DLGAP2: variants seen among roughly 807,000 people sequenced by gnomAD.
DLGAP2 encodes the protein DLG associated protein 2, also known as disks large-associated protein 2.
In DLGAP2, 26 loss-of-function variants were observed where a neutral mutation model predicts 100.3. The ratio of observed to expected loss-of-function variants is 0.26; its 90% CI spans 0.19 to 0.36. DLGAP2 has a LOEUF of 0.36. DLGAP2 is among the 10% of genes least tolerant of loss of function. DLGAP2 has a pLI of 1.00. For missense variants in DLGAP2, 1,858 were observed against 1,453.2 expected, an observed-to-expected ratio of 1.28 and a Z score of -4.53; for synonymous variants, 886 against 630.1, an observed-to-expected ratio of 1.41 and a Z score of -6.08.
rs747961521 is a variant in DLGAP2, at chr8:1,565,863, A to C, written c.1411A>C (p.Ile471Leu). ...AILPEPLLKS[I>L]GQRPLGEHQT... Reference sequence around the variant, plus strand: ...CCTACCAGAGCCGCTGCTGAAGTCCATCGGACAGAGACCGCTTGGAGAGCA... The same window carrying C: ...CCTACCAGAGCCGCTGCTGAAGTCCCTCGGACAGAGACCGCTTGGAGAGCA... Residue 471 changes from isoleucine to leucine, a missense_variant, in exon 6 of 15, where the codon ATC (isoleucine) becomes CTC (leucine). Coordinates refer to ENST00000637795, the MANE Select transcript of DLGAP2 (RefSeq NM_001346810.2). 1 of 1,611,516 alleles carries C rather than the reference A, an allele frequency of 6.2e-7. No homozygotes were observed. The highest frequency in any genetic ancestry group is 8.5e-7 in the Non-Finnish European group (1 of 1,178,786).
At chr8:771,684 C>G (rs1455736430) in intron 1 of DLGAP2, among the ~76,000 whole-genome samples, 1 of 152,244 alleles carries the variant, frequency 6.6e-6, no homozygotes, top group African/African-American at 2.4e-5. Context: ...ACGACGTGGC[C>G]TCTGGGGCTC....
chr8:1,168,013 C>T (rs1337713322), intron 2 of DLGAP2, among the ~76,000 whole-genome samples: 3 of 147,788 alleles, frequency 2.0e-5, no homozygotes, highest in African/African-American at 7.5e-5. Context: ...GTATATCTCC[C>T]ATTGCTATCC....
intron 3 of DLGAP2, among the ~76,000 whole-genome samples, chr8:1,333,447 T>C (rs528342817): frequency 6.6e-6 from 1 of 152,268 alleles, no homozygotes; most frequent in South Asian, 2.1e-4. Flanking sequence ...CCTGACACTT[T>C]CCCATCCCGT....
intron 2 of DLGAP2, among the ~76,000 whole-genome samples, chr8:1,144,188 C>T (rs774627476): frequency 1.1e-4 from 16 of 152,286 alleles, no homozygotes; most frequent in African/African-American, 2.9e-4. Flanking sequence ...CCAGCGGGCG[C>T]GTTTTCACCG....
chr8:760,732 G>C (rs144682951), intron 1 of DLGAP2, among the ~76,000 whole-genome samples: 2 of 152,304 alleles, frequency 1.3e-5, no homozygotes, highest in African/African-American at 4.8e-5. Context: ...ATGTCCCTCA[G>C]TGCAGGGCTT....
intron 3 of DLGAP2, among the ~76,000 whole-genome samples, chr8:1,440,984 A>G (rs1481469691): frequency 6.6e-6 from 1 of 152,214 alleles, no homozygotes; most frequent in African/African-American, 2.4e-5. Flanking sequence ...CCCTCCCAGC[A>G]CGGGTTTTCC....
At chr8:1,502,133 G>A (rs1799742634) in intron 4 of DLGAP2, among the ~76,000 whole-genome samples, 1 of 152,170 alleles carries the variant, frequency 6.6e-6, no homozygotes, top group Non-Finnish European at 1.5e-5. Context: ...CCCATCAGTG[G>A]CTCTGTCTGT....
At chr8:1,407,429 A>T (rs375930503) in intron 3 of DLGAP2, among the ~76,000 whole-genome samples, 2 of 78,944 alleles carry the variant, frequency 2.5e-5, no homozygotes, top group African/African-American at 1.0e-4. Flanking sequence ...CTTGTCCTCC[A>T]GAGTCGTGTA....
At chr8:1,432,435 C>A (rs1357058010) in intron 3 of DLGAP2, among the ~76,000 whole-genome samples, 1 of 152,170 alleles carries the variant, frequency 6.6e-6, no homozygotes, top group Non-Finnish European at 1.5e-5. Context: ...AAGCCACAGT[C>A]CTGTCTAAAT....
chr8:1,011,797 G>A (rs1036080897), intron 2 of DLGAP2, among the ~76,000 whole-genome samples: 2 of 152,126 alleles, frequency 1.3e-5, no homozygotes, highest in African/African-American at 4.8e-5. Context: ...AGTGGGCCCT[G>A]GAATGAGAGT....
rs566217826 is a variant in DLGAP2 at position 1,553,126 on chromosome 8, G to A, written c.1230+3443G>A. Among the ~76,000 whole-genome samples, 11 of 152,224 alleles carry A rather than the reference G, an allele frequency of 7.2e-5. 2 individuals carry two copies. In the South Asian group the frequency reaches 1.2e-3, roughly 17 times the overall value. On this transcript the variant is annotated intron_variant, in intron 5 of 14. Coordinates refer to ENST00000637795, the MANE Select transcript of DLGAP2 (RefSeq NM_001346810.2). ...TGGCGGCATCAGATGGAGGGACAGC[G>A]GGGCCCCTGCTGCATCCCAGAGAAG...
chr8:1,539,523 A>G (rs1440946958), intron 4 of DLGAP2, among the ~76,000 whole-genome samples: 1 of 152,130 alleles, frequency 6.6e-6, no homozygotes, highest in African/African-American at 2.4e-5. Context: ...AGCGCGACGC[A>G]GAGTGGACTG....
intron 1 of DLGAP2, among the ~76,000 whole-genome samples, chr8:882,472 C>T (rs1247399797): frequency 7.4e-6 from 1 of 134,272 alleles, no homozygotes; most frequent in South Asian, 2.7e-4. Flanking sequence ...CTCCTGCGGG[C>T]ACCCTCGCCT....
At chr8:1,079,573 A>T (rs975740369) in intron 2 of DLGAP2, among the ~76,000 whole-genome samples, 4 of 152,212 alleles carry the variant, frequency 2.6e-5, no homozygotes, top group African/African-American at 9.6e-5. Flanking sequence ...ATGCTCCCCA[A>T]CAAAGGAATA....
chr8:949,617 C>T (rs1424544941), intron 2 of DLGAP2, among the ~76,000 whole-genome samples: 1 of 152,228 alleles, frequency 6.6e-6, no homozygotes, highest in Non-Finnish European at 1.5e-5. Flanking sequence ...CCCGCTGCAG[C>T]TTCCTCATTG....
intron 2 of DLGAP2, among the ~76,000 whole-genome samples, chr8:1,117,143 CG>C: frequency 1.2e-5 from 1 of 86,614 alleles, no homozygotes; most frequent in Non-Finnish European, 3.1e-5. Context: ...AACCCAACAC[CG>C]TCTCTTTGAC....
intron 2 of DLGAP2, chr8:927,176 G>A (rs1584895501): frequency 1.0e-6 from 1 of 985,444 alleles, no homozygotes; most frequent in East Asian, 1.1e-4. Context: ...CAGATGGGGA[G>A]TGTTCAGGAA....
At chr8:1,194,783 A>T (rs1370957074) in intron 2 of DLGAP2, among the ~76,000 whole-genome samples, 2 of 152,120 alleles carry the variant, frequency 1.3e-5, no homozygotes, top group African/African-American at 4.8e-5. Context: ...TCTGTTCCCT[A>T]CAGAAGTCTC....
chr8:1,290,616 A>G (rs1345128986), intron 3 of DLGAP2, among the ~76,000 whole-genome samples: 3 of 152,246 alleles, frequency 2.0e-5, no homozygotes, highest in Non-Finnish European at 4.4e-5. Flanking sequence ...CAGAAAGACC[A>G]GAAAGGCAGA....
Sources: gnomAD v4.1 joint callset for allele counts (sites outside exome capture counted in the v4.1 genomes callset) on GRCh38, gnomAD v4.1.1 for gene constraint, MANE v1.5 for transcripts, NCBI Gene and HGNC (gene_info 2026-07-23, HGNC 2026-07-21) for gene names.